Variants in KCNQ1 observed in about 807,000 individuals in gnomAD.
KCNQ1 encodes the protein potassium voltage-gated channel subfamily Q member 1, also known as potassium voltage-gated channel subfamily KQT member 1.
Under a neutral mutation model 72.4 loss-of-function variants are expected in KCNQ1, and 49 were observed. That is an observed-to-expected ratio of 0.68 (90% CI 0.54 to 0.86). The LOEUF (loss-of-function observed/expected upper bound fraction) is 0.86. Among genes scored for constraint, KCNQ1 ranks in the 40% least tolerant of loss-of-function variants. The probability of loss-of-function intolerance (pLI) is 0.00; values close to 1 mark genes in which losing one functional copy is unlikely to be tolerated. For synonymous variants in KCNQ1, 450 were observed against 412.6 expected, an observed-to-expected ratio of 1.09 and a Z score of -1.10; for missense variants, 790 against 945.1, an observed-to-expected ratio of 0.84 and a Z score of 2.15.
intron 1 of KCNQ1, among the ~76,000 whole-genome samples, chr11:2,525,696 C>T (rs1847487483): frequency 6.6e-6 from 1 of 152,238 alleles, no homozygotes; most frequent in Non-Finnish European, 1.5e-5. Flanking sequence ...CCAGGTGCTC[C>T]TGGGAACCAC....
At position 2,483,784 on chromosome 11, in the gene KCNQ1, T is replaced by C. The variant is rs1846691174; in HGVS notation, c.386+38300T>C. 6.6e-6 allele frequency among the ~76,000 whole-genome samples: 1 copy of C among 152,186 alleles called. No individual in the cohort carries two copies. Among genetic ancestry groups the C allele is most frequent in the Non-Finnish European group, 1.5e-5 (1 of 68,040 alleles). ...TGTCTTAGGGCGGGTTCATTTGACCTTGACCACTCAGGTAGGAGTGTGTCA... is the reference window on the plus strand; with the variant it reads ...TGTCTTAGGGCGGGTTCATTTGACCCTGACCACTCAGGTAGGAGTGTGTCA... On this transcript the variant is annotated intron_variant, in intron 1 of 15. Transcript: ENST00000155840. This position sits in a 1 kb window ranked among gnomAD's most constrained non-coding sequence, Gnocchi z 6.1.
chr11:2,664,247 C>T lies in KCNQ1; in HGVS notation c.1514+2166C>T, dbSNP rs1490709326. 4 of 398,886 alleles carry T rather than the reference C, an allele frequency of 1.0e-5. No individual in the cohort carries two copies. Among genetic ancestry groups the T allele is most frequent in the Non-Finnish European group, 1.8e-5 (4 of 226,414 alleles). The allele number at this position is 398,886 out of a possible 1,614,324, so 24.7% of individuals were successfully genotyped here. On this transcript the variant is annotated intron_variant, in intron 11 of 15. Coordinates refer to ENST00000155840, the MANE Select transcript of KCNQ1 (RefSeq NM_000218.3). This position sits in a 1 kb window ranked among gnomAD's most constrained non-coding sequence, Gnocchi z 5.1. ...TGGGGTGAGGGATCTGAAGAGGGGA[C>T]TGGGAGAGGGAAAAACAAGGAGGTT... is the stretch of plus-strand genomic sequence containing the variant.
rs1276948147 is a variant in KCNQ1 at position 2,550,527 on chromosome 11, C to G, written c.478-20101C>G. Among the ~76,000 whole-genome samples the G allele has an allele frequency of 6.6e-6, 1 of 152,222 alleles. No individual in the cohort carries two copies. The highest frequency in any genetic ancestry group is 1.5e-5 in the Non-Finnish European group (1 of 68,030). On this transcript the variant is annotated intron_variant, in intron 2 of 15. Coordinates refer to ENST00000155840, the MANE Select transcript of KCNQ1 (RefSeq NM_000218.3). This position sits in a 1 kb window ranked among gnomAD's most constrained non-coding sequence, Gnocchi z 6.0. ...GCACTGCCCGCCCTGGGAGCTGATG[C>G]CTGACATGCATCCTCGCCTAGGCCA... is the stretch of plus-strand genomic sequence containing the variant.
chr11:2,774,109 C>T (rs1019583362), intron 12 of KCNQ1, among the ~76,000 whole-genome samples: 2 of 152,218 alleles, frequency 1.3e-5, no homozygotes, highest in African/African-American at 2.4e-5. Flanking sequence ...AGAAACAGGG[C>T]TCAGCATCCC....
intron 10 of KCNQ1, chr11:2,635,841 T>C (rs1189174342): frequency 1.3e-5 from 2 of 152,242 alleles, no homozygotes; most frequent in African/African-American, 2.4e-5. Context: ...CATTTGTTTG[T>C]ATCCTCTTTT....
intron 11 of KCNQ1, among the ~76,000 whole-genome samples, chr11:2,717,770 G>C (rs1161529898): frequency 6.6e-6 from 1 of 152,184 alleles, no homozygotes; most frequent in Non-Finnish European, 1.5e-5. Context: ...GATAGAGAGC[G>C]GGTAGACAGG....
chr11:2,666,276 G>A (rs1850065446), intron 11 of KCNQ1: 1 of 398,624 alleles, frequency 2.5e-6, no homozygotes, highest in African/African-American at 2.1e-5. Context: ...AGGCTGGGCA[G>A]AGGGGGTGGA....
intron 1 of KCNQ1, among the ~76,000 whole-genome samples, chr11:2,504,525 T>C (rs1461071560): frequency 6.6e-6 from 1 of 151,912 alleles, no homozygotes; most frequent in East Asian, 1.9e-4. Context: ...GGAGGCCGAG[T>C]CATATGACTC....
At chr11:2,758,943 G>A (rs919483538) in intron 11 of KCNQ1, among the ~76,000 whole-genome samples, 1 of 152,122 alleles carries the variant, frequency 6.6e-6, no homozygotes, top group Non-Finnish European at 1.5e-5. Context: ...CTTTCTGGTG[G>A]GGAGGACTTC....
chr11:2,760,860 C>T (rs1319765206), intron 11 of KCNQ1, among the ~76,000 whole-genome samples: 9 of 152,318 alleles, frequency 5.9e-5, no homozygotes, highest in South Asian at 2.1e-4. Flanking sequence ...AGCATACAGT[C>T]GGACAGGTTG....
At chr11:2,629,605 T>C in intron 10 of KCNQ1, 1 of 398,540 alleles carries the variant, frequency 2.5e-6, no homozygotes, top group Non-Finnish European at 4.4e-6. Flanking sequence ...TGCCATTGAA[T>C]GGACATGGCA....
At position 2,484,353 on chromosome 11, in the gene KCNQ1, C is replaced by T. The variant is rs546727489; in HGVS notation, c.386+38869C>T. On this transcript the variant is annotated intron_variant, in intron 1 of 15. Coordinates refer to ENST00000155840, the MANE Select transcript of KCNQ1 (RefSeq NM_000218.3). This position sits in a 1 kb window ranked among gnomAD's most constrained non-coding sequence, Gnocchi z 5.2. Reference sequence around the variant, plus strand: ...TAATATTTTGTATTTTTAGTGGAGACGGGGTTTCATCATGTTGGCCAGGCT... The same window carrying T: ...TAATATTTTGTATTTTTAGTGGAGATGGGGTTTCATCATGTTGGCCAGGCT... Among the ~76,000 whole-genome samples, 4 of 152,120 alleles carry T rather than the reference C, an allele frequency of 2.6e-5. No individual in the cohort carries two copies. Among genetic ancestry groups the T allele is most frequent in the East Asian group, 1.9e-4 (1 of 5,152 alleles).
chr11:2,631,030 A>G (rs1013599673), intron 10 of KCNQ1: 2 of 398,374 alleles, frequency 5.0e-6, no homozygotes, highest in African/African-American at 4.1e-5. Context: ...CATTTTTTAC[A>G]TTTTGATGGC....
At position 2,674,742 on chromosome 11, in the gene KCNQ1, C is replaced by A; in HGVS notation, c.1514+12661C>A. 1 of 397,932 alleles carries A rather than the reference C, an allele frequency of 2.5e-6. No individual in the cohort carries two copies. Among genetic ancestry groups the A allele is most frequent in the South Asian group, 1.3e-4 (1 of 7,798 alleles). 24.7% of individuals were successfully genotyped at this position (397,932 alleles called of 1,614,324 possible). A position where few individuals can be genotyped will look rare whatever the true frequency, so the allele number is the denominator to read the frequency against. On this transcript the variant is annotated intron_variant, in intron 11 of 15. Coordinates refer to ENST00000155840, the MANE Select transcript of KCNQ1 (RefSeq NM_000218.3). This position sits in a 1 kb window ranked among gnomAD's most constrained non-coding sequence, Gnocchi z 5.9. Reference sequence around the variant, plus strand: ...CTGAACTTAACTCGTTAAAGTTGCTCCAATCCCAGCCCAGTGCCAGACCAG... The same window carrying A: ...CTGAACTTAACTCGTTAAAGTTGCTACAATCCCAGCCCAGTGCCAGACCAG...
rs1482287761 is a variant in KCNQ1, at chr11:2,604,432, T to C, written c.1393+15578T>C. 3.3e-5 allele frequency among the ~76,000 whole-genome samples: 5 copies of C among 151,512 alleles called. No individual in the cohort carries two copies. In the East Asian group the frequency reaches 9.9e-4, roughly 30 times the overall value. ...GGAAGAGGTTGCAGTGAGCCGAGAC[T>C]GTGCCACTGCACTCCAGCTTAGGCA... is the stretch of plus-strand genomic sequence containing the variant. On this transcript the variant is annotated intron_variant, in intron 10 of 15. Coordinates refer to ENST00000155840, the MANE Select transcript of KCNQ1 (RefSeq NM_000218.3).
chr11:2,846,611 G>A lies in KCNQ1; in HGVS notation c.1795-1156G>A, dbSNP rs183471042. 3.9e-4 allele frequency among the ~76,000 whole-genome samples: 60 copies of A among 152,306 alleles called. No homozygotes were observed. In the East Asian group the frequency reaches 9.9e-3, roughly 25 times the overall value. On this transcript the variant is annotated intron_variant, in intron 15 of 15. Coordinates refer to ENST00000155840, the MANE Select transcript of KCNQ1 (RefSeq NM_000218.3). ...CCTCACCTGCCCTAGTCTGCCCCTG[G>A]GGTTGGCCCTGCTCCACCCAGCACC...
rs1366777993 is a variant in KCNQ1 at position 2,613,645 on chromosome 11, A to T, written c.1393+24791A>T. The T allele has an allele frequency of 2.5e-6, 1 of 398,436 alleles. No individual in the cohort carries two copies. The highest frequency in any genetic ancestry group is 3.6e-5 in the East Asian group (1 of 28,086). The allele number at this position is 398,436 out of a possible 1,614,324, so 24.7% of individuals were successfully genotyped here. ...TCATTGCTTTTCAGGGAGTGGTTAT[A>T]TCAAGGTGCTCATTCCACCACCTCA... On this transcript the variant is annotated intron_variant, in intron 10 of 15. Coordinates refer to ENST00000155840, the MANE Select transcript of KCNQ1 (RefSeq NM_000218.3). The surrounding 1 kb of genome is among the most constrained non-coding windows in gnomAD (Gnocchi z 4.8).
chr11:2,546,022 TCTGC>T (rs1410005242), intron 2 of KCNQ1, among the ~76,000 whole-genome samples: 1 of 152,160 alleles, frequency 6.6e-6, no homozygotes, highest in African/African-American at 2.4e-5. Flanking sequence ...ATTATTTTAT[TCTGC>T]CTACTTAGTT....
intron 1 of KCNQ1, among the ~76,000 whole-genome samples, chr11:2,512,357 C>T (rs533872993): frequency 2.0e-5 from 3 of 152,302 alleles, no homozygotes; most frequent in Middle Eastern, 3.4e-3. Flanking sequence ...GGGATGCCCC[C>T]GAGATGGGCA....
Sources: gnomAD v4.1 joint callset for allele counts (sites outside exome capture counted in the v4.1 genomes callset) on GRCh38, gnomAD v4.1.1 for gene constraint, Gnocchi (gnomAD v3.1) non-coding constraint, MANE v1.5 for transcripts, NCBI Gene and HGNC (gene_info 2026-07-23, HGNC 2026-07-21) for gene names.